The following RIMS1 variants were observed in gnomAD, a reference collection of about 807,000 sequenced individuals.
RIMS1 encodes the protein regulating synaptic membrane exocytosis protein 1.
RIMS1 carries 83 observed loss-of-function variants against 214.1 expected under a neutral mutation model. The observed-to-expected ratio is 0.39, with a 90% CI of 0.32 to 0.47. RIMS1 has a LOEUF of 0.47. RIMS1 is among the 20% of genes least tolerant of loss of function. RIMS1 has a pLI of 0.99. For synonymous variants in RIMS1, 793 were observed against 786.8 expected (o/e 1.01, Z -0.13); for missense variants, 2,050 against 2,161.8 (o/e 0.95, Z 1.03).
rs76521326 is a variant in RIMS1, at chr6:72,278,838, A to G, written c.3482+4406A>G. 2.3e-3 allele frequency among the ~76,000 whole-genome samples: 354 copies of G among 152,126 alleles called. 1 individual carries two copies. The highest frequency in any genetic ancestry group is 7.8e-3 in the African/African-American group (326 of 41,562). ...TTTAGGTTGATTCTATTCAAATTTA[A>G]TTTTTCCTTCCCAAACTTAATGAGT... On this transcript the variant is annotated intron_variant, in intron 23 of 33. Transcript: ENST00000521978.
intron 17 of RIMS1, among the ~76,000 whole-genome samples, chr6:72,258,700 G>A (rs1213349842): frequency 1.3e-5 from 2 of 152,060 alleles, no homozygotes; most frequent in African/African-American, 4.8e-5. Flanking sequence ...AACATATAGT[G>A]CTCTACTTCA....
intron 2 of RIMS1, among the ~76,000 whole-genome samples, chr6:72,084,031 G>A (rs944620266): frequency 6.6e-6 from 1 of 152,154 alleles, no homozygotes; most frequent in African/African-American, 2.4e-5. Context: ...CAGAGCAAAG[G>A]CAATGTTTAC....
At chr6:71,935,973 G>A (rs1028903433) in intron 1 of RIMS1, among the ~76,000 whole-genome samples, 10 of 152,130 alleles carry the variant, frequency 6.6e-5, no homozygotes, top group African/African-American at 2.4e-4. Context: ...AACTTCTCCA[G>A]TTCATATCTC....
intron 29 of RIMS1, among the ~76,000 whole-genome samples, chr6:72,358,133 T>G (rs2097705029): frequency 6.9e-6 from 1 of 145,852 alleles, no homozygotes; most frequent in Non-Finnish European, 1.6e-5. Context: ...ATTTTTTCCC[T>G]TTTGCTGCTC....
chr6:72,388,728 T>A (rs190088463), intron 29 of RIMS1, among the ~76,000 whole-genome samples: 6 of 152,156 alleles, frequency 3.9e-5, no homozygotes, highest in Middle Eastern at 3.4e-3. Flanking sequence ...CGCTGATGGA[T>A]TGGGTGTGGG....
chr6:72,086,978 T>G (rs989664880), intron 2 of RIMS1, among the ~76,000 whole-genome samples: 7 of 152,166 alleles, frequency 4.6e-5, no homozygotes, highest in Admixed American at 2.0e-4. Flanking sequence ...GGTGATAGAT[T>G]TGTGCTGTGC....
At chr6:72,073,825 G>A (rs1461681839) in intron 2 of RIMS1, among the ~76,000 whole-genome samples, 2 of 152,162 alleles carry the variant, frequency 1.3e-5, no homozygotes, top group East Asian at 3.9e-4. Context: ...GTGAGGCTAT[G>A]AATATCACTA....
At chr6:72,107,432 G>A (rs1587114050) in intron 4 of RIMS1, among the ~76,000 whole-genome samples, 1 of 152,088 alleles carries the variant, frequency 6.6e-6, no homozygotes, top group Non-Finnish European at 1.5e-5. Flanking sequence ...GTGGTGGCAG[G>A]TGCCTGTACT....
intron 2 of RIMS1, among the ~76,000 whole-genome samples, chr6:72,056,319 T>A (rs1454111951): frequency 6.6e-6 from 1 of 152,110 alleles, no homozygotes; most frequent in East Asian, 1.9e-4. Flanking sequence ...GGTACTATGC[T>A]TATTACCTGG....
chr6:72,169,503 A>G (rs1290873551), intron 4 of RIMS1, among the ~76,000 whole-genome samples: 3 of 151,868 alleles, frequency 2.0e-5, no homozygotes, highest in Admixed American at 2.0e-4. Flanking sequence ...AAATAGGAAA[A>G]AGACCAGAAA....
chr6:71,957,960 T>C (rs1033167413), intron 1 of RIMS1, among the ~76,000 whole-genome samples: 1 of 152,094 alleles, frequency 6.6e-6, no homozygotes, highest in South Asian at 2.1e-4. Context: ...AGAGTTGAGC[T>C]TGTGAATCTA....
chr6:72,274,237 C>G (rs562973707), intron 22 of RIMS1, 112 bp from the exon 23 acceptor site: 1 of 611,006 alleles, frequency 1.6e-6, no homozygotes, highest in Non-Finnish European at 2.9e-6. Context: ...AGCAAAGAAT[C>G]TACACTTTGC....
At chr6:71,989,954 G>A (rs1312663298) in intron 2 of RIMS1, among the ~76,000 whole-genome samples, 1 of 152,132 alleles carries the variant, frequency 6.6e-6, no homozygotes, top group Non-Finnish European at 1.5e-5. Context: ...TGTCCATCGT[G>A]TCAGGGACAC....
intron 29 of RIMS1, among the ~76,000 whole-genome samples, chr6:72,367,880 C>T (rs1415586031): frequency 1.3e-5 from 2 of 152,004 alleles, no homozygotes; most frequent in Admixed American, 6.6e-5. Context: ...CTACATGTTG[C>T]TTGTGTTTTA....
chr6:72,076,114 A>AT (rs1171421150), intron 2 of RIMS1, among the ~76,000 whole-genome samples: 1 of 152,200 alleles, frequency 6.6e-6, no homozygotes, highest in East Asian at 1.9e-4. Flanking sequence ...ACTTGAGAGG[A>AT]TTTTAAATGA....
chr6:72,123,562 G>T (rs2038870483), intron 4 of RIMS1, among the ~76,000 whole-genome samples: 1 of 151,808 alleles, frequency 6.6e-6, no homozygotes, highest in Non-Finnish European at 1.5e-5. Context: ...GTCTAATATT[G>T]ACAGTGGGGT....
chr6:72,325,286 G>A (rs1346173455), intron 28 of RIMS1, among the ~76,000 whole-genome samples: 1 of 151,610 alleles, frequency 6.6e-6, no homozygotes, highest in Non-Finnish European at 1.5e-5. Context: ...GATAGAGAGA[G>A]GGATGATAAA....
chr6:72,392,832 T>C (rs751403717), intron 31 of RIMS1, 22 bp downstream of exon 31: 2 of 1,442,030 alleles, frequency 1.4e-6, no homozygotes, highest in East Asian at 4.5e-5. Flanking sequence ...TTTTTTTTTC[T>C]ACAAGAAAAT....
intron 4 of RIMS1, among the ~76,000 whole-genome samples, chr6:72,160,553 A>G (rs6905186): frequency 0.98 from 135,092 of 138,378 alleles, 66,210 homozygotes; most frequent in South Asian, 1. Flanking sequence ...TTTGAGATGC[A>G]TCCCATCAAT....
Sources: allele counts gnomAD v4.1 joint callset (sites outside exome capture counted in the v4.1 genomes callset), GRCh38; gene constraint gnomAD v4.1.1; transcripts MANE v1.5; gene names NCBI Gene and HGNC (gene_info 2026-07-23, HGNC 2026-07-21).